The following BAIAP3 variants were observed in gnomAD, a reference collection of about 807,000 sequenced individuals.
The protein encoded by BAIAP3 is BAI1-associated protein 3.
A neutral mutation model predicts 149.7 loss-of-function variants in BAIAP3; 180 were observed. The observed-to-expected ratio is 1.20, with a 90% CI of 1.07 to 1.36. The LOEUF is 1.36. Ranked by LOEUF, BAIAP3 falls within the 40% of genes most tolerant of loss-of-function variation. The pLI is 0.00. For missense variants in BAIAP3, 1,767 were observed against 1,563.4 expected (o/e 1.13, Z -2.20); for synonymous variants, 845 against 670.7 (o/e 1.26, Z -4.02).
Position 1,336,249 on chromosome 16 carries a change from G to A in BAIAP3, c.-10-2291G>A, listed in dbSNP as rs923289453. 5.1e-6 allele frequency: 5 copies of A among 985,308 alleles called. No homozygotes were observed. In the African/African-American group the frequency reaches 7.0e-5, roughly 14 times the overall value. 61.0% of individuals were successfully genotyped at this position (985,308 alleles called of 1,614,324 possible). A position where few individuals can be genotyped will look rare whatever the true frequency, so the allele number is the denominator to read the frequency against. The stretch of plus-strand genomic sequence containing the variant: ...CAGCCTCTTCCACCCAGCAAGGGAG[G>A]GGAAGGGGGCTTGTGACTCCCAGGC... On this transcript the variant is annotated intron_variant, in intron 1 of 33. Coordinates refer to ENST00000426824, the MANE Select transcript of BAIAP3 (RefSeq NM_001199097.2).
Position 1,344,271 on chromosome 16 carries a change from GC to G in BAIAP3, c.1560del (p.Phe521SerfsTer5). 6.2e-7 allele frequency: 1 copy of G among 1,613,874 alleles called. No homozygotes were observed. Among genetic ancestry groups the G allele is most frequent in the South Asian group, 1.1e-5 (1 of 91,090 alleles). Reference protein sequence around the residue: ...LQLFQPSFEICPFESELNMDI... With the variant: ...LQLFQPSFEIXPFESELNMDI... ...CTCTTCCAACCCTCCTTTGAGATCT[GC>G]CCCTTCGAGTCGGAGCTGAACATGG... is the stretch of plus-strand genomic sequence containing the variant. On this transcript the variant is annotated frameshift_variant, in exon 17 of 34. Transcript: ENST00000426824. LOFTEE classifies it high-confidence loss of function.
Position 1,346,860 on chromosome 16 carries a change from C to A in BAIAP3, c.2656C>A (p.Leu886Met), listed in dbSNP as rs756194904. 1.9e-6 allele frequency: 3 copies of A among 1,605,564 alleles called. No homozygotes were observed. Among genetic ancestry groups the A allele is most frequent in the Non-Finnish European group, 2.5e-6 (3 of 1,178,330 alleles). The part of the protein sequence containing the change: ...KGNLSRVLEA[L>M]WELLLQAILQ... ...GCTGCCCTGCAGGGTGCTGGAGGCCCTGTGGGAGCTACTCCTCCAGGCCAT... is the reference window on the plus strand; with the variant it reads ...GCTGCCCTGCAGGGTGCTGGAGGCCATGTGGGAGCTACTCCTCCAGGCCAT... The change falls in exon 28 of 34, where the codon CTG becomes ATG. Residue 886 changes from leucine (L) to methionine (M), a missense_variant. Coordinates refer to ENST00000426824, the MANE Select transcript of BAIAP3 (RefSeq NM_001199097.2).
intron 28 of BAIAP3, 32 bp downstream of exon 28, chr16:1,346,987 G>GC: frequency 6.4e-7 from 1 of 1,558,732 alleles, no homozygotes; most frequent in South Asian, 1.2e-5. Flanking sequence ...CTCCCCGCCG[G>GC]CCCCCGCCTC....
chr16:1,342,154 G>C, intron 10 of BAIAP3, 27 bp from the exon 11 acceptor site: 1 of 1,582,920 alleles, frequency 6.3e-7, no homozygotes, highest in Admixed American at 1.7e-5. Context: ...AGCCATCAGC[G>C]TGATGCTCAC....
At chr16:1,333,985 G>A (rs1399703106) in intron 1 of BAIAP3, among the ~76,000 whole-genome samples, 1 of 151,396 alleles carries the variant, frequency 6.6e-6, no homozygotes, top group East Asian at 2.0e-4. Context: ...CCCTCCGAAC[G>A]CGCAGGAGAG....
rs2034308892 is a variant in BAIAP3, at chr16:1,345,762, GCCT to G, written c.2086_2088del (p.Ser696del). 2 of 1,536,784 alleles carry G rather than the reference GCCT, an allele frequency of 1.3e-6. No individual in the cohort carries two copies. The highest frequency in any genetic ancestry group is 1.8e-4 in the Middle Eastern group (1 of 5,632). On this transcript the variant is annotated inframe_deletion, in exon 23 of 34. Transcript: ENST00000426824. ...GCCTCCCTAGCTGGAGCCCGTGGACGCCTCCTCCAGGCACAGCAGCTCCGCAGC... is the reference window on the plus strand; with the variant it reads ...GCCTCCCTAGCTGGAGCCCGTGGACGCCTCCAGGCACAGCAGCTCCGCAGC...
Position 1,348,411 on chromosome 16 carries a change from A to C in BAIAP3, c.3388A>C (p.Thr1130Pro), listed in dbSNP as rs1427718193. The C allele has an allele frequency of 1.2e-6, 2 of 1,612,696 alleles. No individual in the cohort carries two copies. The highest frequency in any genetic ancestry group is 8.5e-7 in the Non-Finnish European group (1 of 1,179,816). ...TGCGCTGAGGAGGCTGGAAGGCCGC[A>C]CCAGCAAGGAGGCGCAGGAGTTCGT... ...RSALRRLEGR[T>P]SKEAQEFVKK... Residue 1130 changes from threonine to proline, a missense_variant, in exon 34 of 34, where the codon ACC becomes CCC. Coordinates refer to ENST00000426824, the MANE Select transcript of BAIAP3 (RefSeq NM_001199097.2).
rs1422850571 is a variant in BAIAP3, at chr16:1,344,015, C to G, written c.1387-7C>G. On this transcript the variant is annotated splice_region_variant and splice_polypyrimidine_tract_variant and intron_variant, in intron 15 of 33. Transcript: ENST00000426824. ...GCTGCTGGCACTGAAGGGCCCTGTC[C>G]CCACAGGAGGAGAGCCTGGCTGATA... is the stretch of plus-strand genomic sequence containing the variant. 5 of 1,612,000 alleles carry G rather than the reference C, an allele frequency of 3.1e-6. No individual in the cohort carries two copies. The South Asian group carries it at 5.5e-5, about 18-fold the overall frequency.
rs369635038 is a variant in BAIAP3, at chr16:1,348,439, A to G, written c.3416A>G (p.Lys1139Arg). Residue 1139 changes from lysine (K) to arginine (R), a missense_variant, in exon 34 of 34, where the codon AAG (lysine) becomes AGG (arginine). Coordinates refer to ENST00000426824, the MANE Select transcript of BAIAP3 (RefSeq NM_001199097.2). ...AGCAAGGAGGCGCAGGAGTTCGTGA[A>G]GAAACTCAAGGAGCTGGAGAAGTGC... ...RTSKEAQEFV[K>R]KLKELEKCME... 1.4e-5 allele frequency: 23 copies of G among 1,612,630 alleles called. No individual in the cohort carries two copies. The highest frequency in any genetic ancestry group is 2.7e-5 in the African/African-American group (2 of 75,058).
rs116625196 is a variant in BAIAP3, at chr16:1,347,584, C to A, written c.2863C>A (p.Arg955Ser). ...EELRLHKCST[R>S]ECIEQFYLDK... is the part of the protein sequence containing the mutation. Reference sequence around the variant, plus strand: ...GCTGCGGCTGCACAAATGTTCCACCCGCGAGTGCATCGAGCAGTTCTACCT... The same window carrying A: ...GCTGCGGCTGCACAAATGTTCCACCAGCGAGTGCATCGAGCAGTTCTACCT... Residue 955 changes from arginine (R) to serine (S), a missense_variant, in exon 30 of 34, where the codon CGC becomes AGC. Coordinates refer to ENST00000426824, the MANE Select transcript of BAIAP3 (RefSeq NM_001199097.2). 1.6e-5 allele frequency: 25 copies of A among 1,612,594 alleles called. No individual in the cohort carries two copies. The African/African-American group carries it at 2.8e-4, about 18-fold the overall frequency.
Position 1,344,005 on chromosome 16 carries a change from G to A in BAIAP3, c.1387-17G>A. 1 of 1,611,548 alleles carries A rather than the reference G, an allele frequency of 6.2e-7. No homozygotes were observed. Among genetic ancestry groups the A allele is most frequent in the Non-Finnish European group, 8.5e-7 (1 of 1,179,784 alleles). On this transcript the variant is annotated splice_polypyrimidine_tract_variant and intron_variant, in intron 15 of 33. Transcript: ENST00000426824. ...GCCGGTCGGGGCTGCTGGCACTGAA[G>A]GGCCCTGTCCCCACAGGAGGAGAGC...
chr16:1,338,558 C>G lies in BAIAP3; in HGVS notation c.9C>G (p.Thr3=). The part of the protein sequence containing the change: MS[T]LLDIKSSVLR... ...GCTGTAGGTCACCCGCCATGTCGAC[C>G]TTGCTGGACATTAAGAGCAGCGTGC... The change falls in exon 2 of 34, where the codon ACC becomes ACG. Residue 3 remains threonine, a synonymous_variant. Coordinates refer to ENST00000426824, the MANE Select transcript of BAIAP3 (RefSeq NM_001199097.2). 3 of 1,610,520 alleles carry G rather than the reference C, an allele frequency of 1.9e-6. No homozygotes were observed. Among genetic ancestry groups the G allele is most frequent in the Non-Finnish European group, 2.5e-6 (3 of 1,178,888 alleles).
rs1567165081 is a variant in BAIAP3 at position 1,342,870 on chromosome 16, T to TGG, written c.1162-40_1162-39dup. ...CGGCAGGGGGCCTGAGGAGGGGATG[T>TGG]GGGGCTGTCCCGCCTCCACCCACGA... On this transcript the variant is annotated intron_variant, in intron 13 of 33. Coordinates refer to ENST00000426824, the MANE Select transcript of BAIAP3 (RefSeq NM_001199097.2). 3 of 1,611,800 alleles carry TGG rather than the reference T, an allele frequency of 1.9e-6. No individual in the cohort carries two copies. The African/African-American group carries it at 4.0e-5, about 22-fold the overall frequency.
chr16:1,342,152 G>A (rs1419037690), intron 10 of BAIAP3, 29 bp from the exon 11 acceptor site: 10 of 1,581,554 alleles, frequency 6.3e-6, no homozygotes, highest in South Asian at 4.6e-5. Flanking sequence ...GGAGCCATCA[G>A]CGTGATGCTC....
At chr16:1,334,219 A>G (rs4984813) in intron 1 of BAIAP3, among the ~76,000 whole-genome samples, 142,683 of 151,944 alleles carry the variant, frequency 0.94, 67,018 homozygotes, top group East Asian at 1. Flanking sequence ...AAGGCCCTTT[A>G]GTCCCCCCGA....
Position 1,345,896 on chromosome 16 carries a change from TG to T in BAIAP3, c.2208+9del, listed in dbSNP as rs2034322631. 1 of 1,578,078 alleles carries T rather than the reference TG, an allele frequency of 6.3e-7. No individual in the cohort carries two copies. The highest frequency in any genetic ancestry group is 1.9e-5 in the Admixed American group (1 of 53,870). On this transcript the variant is annotated splice_region_variant and intron_variant, in intron 23 of 33. Coordinates refer to ENST00000426824, the MANE Select transcript of BAIAP3 (RefSeq NM_001199097.2). ...TGGGCACCCAGCTTGGCCAGGTGTGTGGGTGGGCCCTGGGGGTGAGGGGAAC... is the reference window on the plus strand; with the variant it reads ...TGGGCACCCAGCTTGGCCAGGTGTGTGGTGGGCCCTGGGGGTGAGGGGAAC...
At chr16:1,337,464 G>T (rs903167457) in intron 1 of BAIAP3, among the ~76,000 whole-genome samples, 2 of 152,236 alleles carry the variant, frequency 1.3e-5, no homozygotes, top group African/African-American at 4.8e-5. Context: ...GTTGCGGTGA[G>T]CGGAGACTGC....
rs753320417 is a variant in BAIAP3 at position 1,341,842 on chromosome 16, C to G, written c.752C>G (p.Thr251Arg). ...TGTAGCGAGATTGAGGATGTGAGCA[C>G]GGACCAGCTGCACCTGGACATCTGG... The part of the protein sequence containing the change: ...HFLFEIEDVS[T>R]DQLHLDIWDH... The change falls in exon 9 of 34, where the codon ACG becomes AGG. Residue 251 changes from threonine to arginine, a missense_variant. Coordinates refer to ENST00000426824, the MANE Select transcript of BAIAP3 (RefSeq NM_001199097.2). 8.7e-6 allele frequency: 14 copies of G among 1,612,410 alleles called. No homozygotes were observed. In the South Asian group the frequency reaches 1.1e-4, roughly 13 times the overall value.
At position 1,341,464 on chromosome 16, in the gene BAIAP3, C is replaced by G; in HGVS notation, c.706C>G (p.Pro236Ala). The G allele has an allele frequency of 6.2e-7, 1 of 1,611,738 alleles. No homozygotes were observed. Among genetic ancestry groups the G allele is most frequent in the Non-Finnish European group, 8.5e-7 (1 of 1,179,292 alleles). The change falls in exon 8 of 34, where the codon CCC becomes GCC. Residue 236 changes from proline to alanine, a missense_variant. By Grantham distance (27) the Pro-to-Ala change is conservative. Transcript: ENST00000426824. The part of the protein sequence containing the change: ...VTEVKSSTLN[P>A]VWKEHFLFEI... ...CGAGGTGAAGAGCAGCACCCTGAAC[C>G]CCGTCTGGAAGGAGCACTTCCTCTT...
Sources: allele counts gnomAD v4.1 joint callset (sites outside exome capture counted in the v4.1 genomes callset), GRCh38; gene constraint gnomAD v4.1.1; transcripts MANE v1.5; gene names NCBI Gene and HGNC (gene_info 2026-07-23, HGNC 2026-07-21).